SEMA6B: variants seen among roughly 807,000 people sequenced by gnomAD.
SEMA6B encodes the protein semaphorin 6B, also known as semaphorin-6B.
SEMA6B carries 47 observed loss-of-function variants against 78.6 expected under a neutral mutation model. The ratio of observed to expected loss-of-function variants is 0.60; its 90% confidence interval spans 0.47 to 0.76. The LOEUF (loss-of-function observed/expected upper bound fraction) is 0.76. Ranked by LOEUF, SEMA6B falls within the 30% of genes least tolerant of loss-of-function variation. SEMA6B has a pLI of 0.00. For missense variants in SEMA6B, 1,213 were observed against 1,269.9 expected (o/e 0.96, Z 0.68); for synonymous variants, 632 against 592.2 (o/e 1.07, Z -0.98).
intron 12 of SEMA6B, among the ~76,000 whole-genome samples, chr19:4,548,973 C>T (rs1977245955): frequency 6.6e-6 from 1 of 152,120 alleles, no homozygotes; most frequent in Non-Finnish European, 1.5e-5. Flanking sequence ...CGCACACCAC[C>T]ACACCGAGCT....
Position 4,558,106 on chromosome 19 carries a change from G to C in SEMA6B, c.165C>G (p.Arg55=). ...CGTCAGCACCTTCTGCGGGGGTCAG[G>C]CGTCCGGGCCCGCTGCCCACAAACA... ...YPVFVGSGPG[R]LTPAEGADDL... is the part of the protein sequence containing the mutation. Residue 55 remains arginine, a synonymous_variant, in exon 3 of 17, where the codon CGC becomes CGG. Coordinates refer to ENST00000586582, the MANE Select transcript of SEMA6B (RefSeq NM_032108.4). This position sits in a 1 kb window ranked among gnomAD's most constrained non-coding sequence, Gnocchi z 5.1. 1 of 1,535,958 alleles carries C rather than the reference G, an allele frequency of 6.5e-7. No homozygotes were observed. The highest frequency in any genetic ancestry group is 8.8e-7 in the Non-Finnish European group (1 of 1,134,666).
intron 14 of SEMA6B, among the ~76,000 whole-genome samples, chr19:4,546,748 C>G (rs2145346238): frequency 6.6e-6 from 1 of 151,904 alleles, no homozygotes; most frequent in East Asian, 1.9e-4. Flanking sequence ...CCTCAGCCCC[C>G]CGAGTAGCTG....
At chr19:4,545,454 C>T (rs1977140487) in intron 16 of SEMA6B, among the ~76,000 whole-genome samples, 2 of 152,146 alleles carry the variant, frequency 1.3e-5, no homozygotes, top group Admixed American at 1.3e-4. Context: ...CCTCCCGCCT[C>T]AGCCTCCCAA....
Position 4,555,326 on chromosome 19 carries a change from C to T in SEMA6B, c.562+148G>A, listed in dbSNP as rs368914415. On this transcript the variant is annotated intron_variant, in intron 7 of 16. Transcript: ENST00000586582. The surrounding 1 kb of genome is among the most constrained non-coding windows in gnomAD (Gnocchi z 6.1). The stretch of plus-strand genomic sequence containing the variant: ...CGCTGAGCCTCAATCCCAGCTGAGC[C>T]CCAAACCTGGGCTGAGAGTCTGCCC... 2.0e-5 allele frequency: 17 copies of T among 831,562 alleles called. No individual in the cohort carries two copies. The highest frequency in any genetic ancestry group is 1.2e-4 in the African/African-American group (7 of 57,898). 51.5% of individuals were successfully genotyped at this position (831,562 alleles called of 1,614,324 possible). A position where few individuals can be genotyped will look rare whatever the true frequency, so the allele number is the denominator to read the frequency against.
chr19:4,543,021 C>G lies in SEMA6B; in HGVS notation c.*580G>C. 2.9e-6 allele frequency: 2 copies of G among 688,400 alleles called. No homozygotes were observed. 42.6% of individuals were successfully genotyped at this position (688,400 alleles called of 1,614,324 possible). On this transcript the variant is annotated 3_prime_UTR_variant, in exon 17 of 17. Coordinates refer to ENST00000586582, the MANE Select transcript of SEMA6B (RefSeq NM_032108.4). ...GGCCACCACGATCGTCGCTCGTGGA[C>G]ACACACCCTGCACGCGTGGCCCACT...
chr19:4,545,566 C>T (rs536192584), intron 16 of SEMA6B, among the ~76,000 whole-genome samples: 1 of 152,168 alleles, frequency 6.6e-6, no homozygotes. Context: ...TCTCAAACTC[C>T]TGACCTCAAG....
chr19:4,550,167 C>A lies in SEMA6B; in HGVS notation c.1227G>T (p.Val409=). The change falls in exon 12 of 17, where the codon GTG becomes GTT. Residue 409 remains valine (V), a synonymous_variant. Coordinates refer to ENST00000586582, the MANE Select transcript of SEMA6B (RefSeq NM_032108.4). The surrounding 1 kb of genome is among the most constrained non-coding windows in gnomAD (Gnocchi z 6.6). ...VKTHPLMDEA[V]PSLGHAPWIL... The stretch of plus-strand genomic sequence containing the variant: ...TCCAGGGCGCATGGCCCAGCGAGGG[C>A]ACCGCCTCGTCCATCAGAGGGTGGG... The A allele has an allele frequency of 6.2e-7, 1 of 1,613,862 alleles. No homozygotes were observed. The highest frequency in any genetic ancestry group is 8.5e-7 in the Non-Finnish European group (1 of 1,180,010).
Position 4,550,536 on chromosome 19 carries a change from G to A in SEMA6B, c.1121+263C>T, listed in dbSNP as rs370604935. On this transcript the variant is annotated intron_variant, in intron 11 of 16. Coordinates refer to ENST00000586582, the MANE Select transcript of SEMA6B (RefSeq NM_032108.4). The surrounding 1 kb of genome is among the most constrained non-coding windows in gnomAD (Gnocchi z 6.6). ...GTGCCATCACGCCCGGCTAATTTTT[G>A]TATTTTTAGTAGAGACAGGGTTTCG... Among the ~76,000 whole-genome samples, 371 of 152,172 alleles carry A rather than the reference G, an allele frequency of 2.4e-3. 1 individual carries two copies. The highest frequency in any genetic ancestry group is 0.014 in the South Asian group (67 of 4,816).
rs1160867584 is a variant in SEMA6B, at chr19:4,550,688, G to C, written c.1121+111C>G. ...CTCAGTTTTTCCCAACTGTATAACGGGTACAGCTGAACTCAGCATCAGCTA... is the reference window on the plus strand; with the variant it reads ...CTCAGTTTTTCCCAACTGTATAACGCGTACAGCTGAACTCAGCATCAGCTA... On this transcript the variant is annotated intron_variant, in intron 11 of 16. Coordinates refer to ENST00000586582, the MANE Select transcript of SEMA6B (RefSeq NM_032108.4). This position sits in a 1 kb window ranked among gnomAD's most constrained non-coding sequence, Gnocchi z 6.6. The C allele has an allele frequency of 7.5e-7, 1 of 1,335,028 alleles. No homozygotes were observed. Among genetic ancestry groups the C allele is most frequent in the African/African-American group, 1.5e-5 (1 of 68,538 alleles). The allele number at this position is 1,335,028 out of a possible 1,614,324, so 82.7% of individuals were successfully genotyped here.
chr19:4,547,570 C>A (rs1272472970), intron 14 of SEMA6B, among the ~76,000 whole-genome samples: 2 of 152,150 alleles, frequency 1.3e-5, no homozygotes, highest in African/African-American at 4.8e-5. Context: ...ATTTTAGAGA[C>A]GGGGAAACAG....
intron 4 of SEMA6B, 32 bp downstream of exon 4, chr19:4,557,131 C>A (rs755733345): frequency 6.3e-7 from 1 of 1,599,134 alleles, no homozygotes. Flanking sequence ...CCTGGCCCTA[C>A]CCCTCCACTC....
At chr19:4,554,595 G>A in intron 8 of SEMA6B, 119 bp from the exon 9 acceptor site, 1 of 745,928 alleles carries the variant, frequency 1.3e-6, no homozygotes, top group Non-Finnish European at 2.2e-6. Flanking sequence ...CAGACAATAT[G>A]AAACAGACTC....
chr19:4,549,350 G>A (rs1371676346), intron 12 of SEMA6B, among the ~76,000 whole-genome samples: 1 of 127,740 alleles, frequency 7.8e-6, no homozygotes, highest in African/African-American at 3.0e-5. Context: ...GCCCCAGGTT[G>A]GAGTGCAGTG....
chr19:4,557,293 C>G, intron 3 of SEMA6B, 70 bp from the exon 4 acceptor site: 5 of 1,157,050 alleles, frequency 4.3e-6, no homozygotes, highest in Non-Finnish European at 6.2e-6. Context: ...CTTCCCACTG[C>G]CAATGTGGTG....
At chr19:4,545,167 C>A (rs1187981410) in intron 16 of SEMA6B, among the ~76,000 whole-genome samples, 1 of 151,462 alleles carries the variant, frequency 6.6e-6, no homozygotes, top group East Asian at 2.0e-4. Context: ...ACAAGTGAAA[C>A]CCATCTCTAC....
chr19:4,548,558 T>A, intron 12 of SEMA6B, 113 bp from the exon 13 acceptor site: 2 of 962,642 alleles, frequency 2.1e-6, no homozygotes, highest in Non-Finnish European at 3.1e-6. Flanking sequence ...CCAACACATG[T>A]GACAGCAATA....
chr19:4,558,157 AG>A lies in SEMA6B; in HGVS notation c.122-9del, dbSNP rs756299966. 4.8e-6 allele frequency: 7 copies of A among 1,449,976 alleles called. No homozygotes were observed. In the East Asian group the frequency reaches 8.0e-5, roughly 16 times the overall value. The allele number at this position is 1,449,976 out of a possible 1,614,324, so 89.8% of individuals were successfully genotyped here. On this transcript the variant is annotated splice_polypyrimidine_tract_variant and intron_variant, in intron 2 of 16. Coordinates refer to ENST00000586582, the MANE Select transcript of SEMA6B (RefSeq NM_032108.4). The surrounding 1 kb of genome is among the most constrained non-coding windows in gnomAD (Gnocchi z 5.1). Reference sequence around the variant, plus strand: ...CGGGATAGTGGTTCAGGTCTGAGTGAGGGGGTGGAGAGGGGTGTGAGCAAGG... The same window carrying A: ...CGGGATAGTGGTTCAGGTCTGAGTGAGGGGTGGAGAGGGGTGTGAGCAAGG...
In SEMA6B at chr19:4,543,636, C is replaced by A; in HGVS notation, c.2632G>T (p.Gly878Trp). 2 of 1,232,776 alleles carry A rather than the reference C, an allele frequency of 1.6e-6. No individual in the cohort carries two copies. Among genetic ancestry groups the A allele is most frequent in the Non-Finnish European group, 2.0e-6 (2 of 988,264 alleles). The allele number at this position is 1,232,776 out of a possible 1,614,324, so 76.4% of individuals were successfully genotyped here. The change falls in exon 17 of 17, where the codon GGG (glycine) becomes TGG (tryptophan). Residue 878 changes from glycine (G) to tryptophan (W), a missense_variant. Coordinates refer to ENST00000586582, the MANE Select transcript of SEMA6B (RefSeq NM_032108.4). Reference protein sequence around the residue: ...GTDLAHLLPYGGADRTAPPVP With the variant: ...GTDLAHLLPYWGADRTAPPVP ...GGGGGCGCAGTCCTGTCCGCCCCCC[C>A]ATAGGGGAGGAGGTGGGCCAAGTCT...
In SEMA6B at chr19:4,546,145, C is replaced by G; in HGVS notation, c.1738+71G>C. 10 of 1,453,662 alleles carry G rather than the reference C, an allele frequency of 6.9e-6. No homozygotes were observed. The South Asian group carries it at 1.1e-4, about 17-fold the overall frequency. The allele number at this position is 1,453,662 out of a possible 1,614,324, so 90.0% of individuals were successfully genotyped here. On this transcript the variant is annotated intron_variant, in intron 16 of 16. Transcript: ENST00000586582. ...ACCTCCCAGAGGATTCGAGGGTCCT[C>G]CAGCCTCCTCCCTCCCCTCCCCCAT...
Sources: gnomAD v4.1 joint callset for allele counts (sites outside exome capture counted in the v4.1 genomes callset) on GRCh38, gnomAD v4.1.1 for gene constraint, Gnocchi (gnomAD v3.1) non-coding constraint, MANE v1.5 for transcripts, NCBI Gene and HGNC (gene_info 2026-07-23, HGNC 2026-07-21) for gene names.